SNRPN: variants seen among roughly 807,000 people sequenced by gnomAD.
SNRPN encodes small nuclear ribonucleoprotein-associated protein N.
A neutral mutation model predicts 25.2 loss-of-function variants in SNRPN; 7 were observed. The observed-to-expected ratio is 0.28, with a 90% CI of 0.16 to 0.52. The LOEUF (loss-of-function observed/expected upper bound fraction) is 0.52. Ranked by LOEUF, SNRPN falls within the 20% of genes least tolerant of loss-of-function variation. SNRPN has a pLI of 0.96. For synonymous variants in SNRPN, 124 were observed against 110.6 expected (o/e 1.12, Z -0.76); for missense variants, 196 against 322.5 (o/e 0.61, Z 3.00).
chr15:24,926,857 A>T (rs2060418145), intron 3 of SNRPN, among the ~76,000 whole-genome samples: 1 of 151,774 alleles, frequency 6.6e-6, no homozygotes, highest in African/African-American at 2.4e-5. Flanking sequence ...AAAAAAATGT[A>T]AAAGTTAGTT....
At chr15:24,898,567 A>G (rs1208327053) in intron 2 of SNRPN, among the ~76,000 whole-genome samples, 2 of 151,732 alleles carry the variant, frequency 1.3e-5, no homozygotes, top group Non-Finnish European at 2.9e-5. Context: ...CATCCTGGCG[A>G]CAGAGTGAGA....
intron 3 of SNRPN, among the ~76,000 whole-genome samples, chr15:24,943,009 T>A (rs138196136): frequency 4.6e-5 from 7 of 152,094 alleles, no homozygotes; most frequent in Middle Eastern, 3.4e-3. Flanking sequence ...GGCATTCACA[T>A]GGCCACAAAT....
intron 1 of SNRPN, among the ~76,000 whole-genome samples, chr15:24,862,847 G>A (rs1261327714): frequency 6.6e-6 from 1 of 150,528 alleles, no homozygotes; most frequent in Non-Finnish European, 1.5e-5. Context: ...GAAACAGTGT[G>A]TCTGGCACAG....
chr15:24,850,515 T>G (rs2145598635), intron 2 of SNRPN: 1 of 152,310 alleles, frequency 6.6e-6, no homozygotes, highest in South Asian at 2.1e-4. Context: ...TTCACCATGT[T>G]TTTTGGCCAG....
Position 24,971,910 on chromosome 15 carries a change from C to G in SNRPN, c.-143-2401C>G, listed in dbSNP as rs2076454155. Among the ~76,000 whole-genome samples, 6 of 152,212 alleles carry G rather than the reference C, an allele frequency of 3.9e-5. No homozygotes were observed. In the South Asian group the frequency reaches 1.2e-3, roughly 32 times the overall value. ...GTCTTGCTCATTCACAGTCATGATC[C>G]TTGTTGTCTCTTTGGATGGCTGAAG... On this transcript the variant is annotated intron_variant, in intron 3 of 9. Transcript: ENST00000390687.
chr15:24,968,606 CATACTTTCACAGCATTATTTTAATTCA>C (rs1344838657), intron 3 of SNRPN, among the ~76,000 whole-genome samples: 1 of 152,106 alleles, frequency 6.6e-6, no homozygotes, highest in East Asian at 1.9e-4. Context: ...CCAGTTACAA[CATACTTTCACAGCATTATTTTAATTCA>C]AATATGGTTT....
At chr15:24,881,371 A>G (rs1250374153) in intron 1 of SNRPN, among the ~76,000 whole-genome samples, 1 of 151,216 alleles carries the variant, frequency 6.6e-6, no homozygotes, top group Non-Finnish European at 1.5e-5. Context: ...AAAAATACAA[A>G]AAAAAAACAA....
intron 2 of SNRPN, among the ~76,000 whole-genome samples, chr15:24,895,229 A>G (rs2058000459): frequency 6.6e-6 from 1 of 152,142 alleles, no homozygotes; most frequent in Admixed American, 6.5e-5. Context: ...GAAAGTCAAA[A>G]AGCCCTTCCC....
chr15:24,890,047 CAAAAAA>C (rs538959500), intron 2 of SNRPN, among the ~76,000 whole-genome samples: 42 of 84,654 alleles, frequency 5.0e-4, no homozygotes, highest in Admixed American at 5.7e-4. Flanking sequence ...AACTCCATTT[CAAAAAA>C]AAAAAAAAAA....
intron 2 of SNRPN, among the ~76,000 whole-genome samples, chr15:24,839,423 A>G (rs766430604): frequency 2.4e-4 from 36 of 151,946 alleles, no homozygotes; most frequent in African/African-American, 3.4e-4. Flanking sequence ...AAGCGTGCAT[A>G]TTTTTTGTCC....
intron 3 of SNRPN, among the ~76,000 whole-genome samples, chr15:24,941,795 T>A (rs976822925): frequency 1.3e-5 from 2 of 148,918 alleles, no homozygotes; most frequent in Admixed American, 1.3e-4. Flanking sequence ...TTATTTATTT[T>A]TTAGACAGAG....
intron 2 of SNRPN, among the ~76,000 whole-genome samples, chr15:24,964,610 C>G (rs890666017): frequency 1.3e-5 from 2 of 152,050 alleles, no homozygotes; most frequent in Non-Finnish European, 2.9e-5. Context: ...TCCCTTCATT[C>G]TTTTGCAGCT....
chr15:24,848,563 A>C (rs1364858919), intron 2 of SNRPN: 2 of 152,180 alleles, frequency 1.3e-5, no homozygotes, highest in Non-Finnish European at 2.9e-5. Context: ...TTATAGTTAT[A>C]TAAACATTGC....
intron 2 of SNRPN, among the ~76,000 whole-genome samples, chr15:24,917,420 A>T (rs753147565): frequency 1.3e-5 from 2 of 152,198 alleles, no homozygotes; most frequent in Admixed American, 6.5e-5. Context: ...CCTGAAGAGG[A>T]GAATTTAGTA....
At chr15:24,949,048 G>A (rs528268272) in intron 3 of SNRPN, among the ~76,000 whole-genome samples, 14 of 102,520 alleles carry the variant, frequency 1.4e-4, no homozygotes, top group Non-Finnish European at 1.9e-4. Context: ...TTGAGATAGA[G>A]TCTCACTCTC....
At chr15:24,888,005 A>T (rs1239577180) in intron 2 of SNRPN, among the ~76,000 whole-genome samples, 1 of 152,196 alleles carries the variant, frequency 6.6e-6, no homozygotes, top group Non-Finnish European at 1.5e-5. Flanking sequence ...TAATCATTTT[A>T]TTATTAGTTA....
At chr15:24,875,796 G>C (rs2055801777) in intron 1 of SNRPN, among the ~76,000 whole-genome samples, 1 of 152,144 alleles carries the variant, frequency 6.6e-6, no homozygotes, top group Non-Finnish European at 1.5e-5. Flanking sequence ...GTTCATGCCT[G>C]TAATCCCAGC....
At chr15:24,944,495 C>T (rs1189141511) in intron 3 of SNRPN, among the ~76,000 whole-genome samples, 3 of 152,074 alleles carry the variant, frequency 2.0e-5, no homozygotes, top group Admixed American at 1.3e-4. Flanking sequence ...GTCAGGAGTT[C>T]GAGAGTGGCC....
intron 1 of SNRPN, among the ~76,000 whole-genome samples, chr15:24,882,753 G>A (rs2056820055): frequency 6.6e-6 from 1 of 151,174 alleles, no homozygotes; most frequent in South Asian, 2.1e-4. Flanking sequence ...GAACCCAGGA[G>A]GCAGATGTTG....
Sources: gnomAD v4.1 joint callset for allele counts (sites outside exome capture counted in the v4.1 genomes callset) on GRCh38, gnomAD v4.1.1 for gene constraint, MANE v1.5 for transcripts, NCBI Gene and HGNC (gene_info 2026-07-23, HGNC 2026-07-21) for gene names.